Variants in RRBP1 observed in about 807,000 individuals in gnomAD.
RRBP1 encodes the protein ribosome-binding protein 1.
RRBP1 carries 94 observed loss-of-function variants against 165.2 expected under a neutral mutation model. That is an observed-to-expected ratio of 0.57 (90% CI 0.48 to 0.68). RRBP1 has a LOEUF of 0.68. RRBP1 is among the 30% of genes least tolerant of loss of function. The pLI is 0.00. For synonymous variants in RRBP1, 680 were observed against 714.5 expected, an observed-to-expected ratio of 0.95 and a Z score of 0.77; for missense variants, 1,676 against 1,763.0, an observed-to-expected ratio of 0.95 and a Z score of 0.88.
intron 2 of RRBP1, among the ~76,000 whole-genome samples, chr20:17,664,084 C>G (rs949926972): frequency 3.9e-5 from 6 of 152,084 alleles, no homozygotes; most frequent in Admixed American, 3.9e-4. Context: ...AGCCACAGTA[C>G]GAGATTAACA....
At chr20:17,655,908 G>C (rs1341148931) in intron 3 of RRBP1, among the ~76,000 whole-genome samples, 1 of 152,198 alleles carries the variant, frequency 6.6e-6, no homozygotes, top group African/African-American at 2.4e-5. Flanking sequence ...TGGTACGTGG[G>C]ACCCACAGCA....
At chr20:17,620,480 T>A (rs780645906) in intron 17 of RRBP1, 110 bp from the exon 18 acceptor site, 1 of 1,026,060 alleles carries the variant, frequency 9.7e-7, no homozygotes, top group Non-Finnish European at 1.5e-6. Flanking sequence ...GCCCCGGGGG[T>A]GCCCACTCCG....
intron 4 of RRBP1, among the ~76,000 whole-genome samples, chr20:17,642,334 C>G (rs2036379385): frequency 6.6e-6 from 1 of 152,178 alleles, no homozygotes; most frequent in South Asian, 2.1e-4. Context: ...CCCTGGTCAT[C>G]TGAATCTCCT....
intron 10 of RRBP1, 39 bp downstream of exon 10, chr20:17,627,465 G>C: frequency 1.2e-6 from 2 of 1,607,056 alleles, no homozygotes; most frequent in African/African-American, 2.7e-5. Context: ...GCTAGATGGA[G>C]TTCCCTTTCC....
At position 17,627,525 on chromosome 20, in the gene RRBP1, C is replaced by T. The variant is rs2229888; in HGVS notation, c.2907G>A (p.Ala969=). Residue 969 remains alanine (A), a synonymous_variant, in exon 10 of 25, where the codon GCG becomes GCA. Transcript: ENST00000377813. ...SIEALLEAGQ[A]RDAQDVQASQ... Reference sequence around the variant, plus strand: ...TGACCTGGACGTCCTGGGCATCCCGCGCCTGGCCCGCCTCCAGCAGGGCCT... The same window carrying T: ...TGACCTGGACGTCCTGGGCATCCCGTGCCTGGCCCGCCTCCAGCAGGGCCT... The T allele has an allele frequency of 0.032, 51,991 of 1,611,358 alleles. 2,168 individuals carry two copies. Among genetic ancestry groups the T allele is most frequent in the African/African-American group, 0.21 (15,805 of 74,952 alleles).
rs1425209038 is a variant in RRBP1, at chr20:17,621,246, G to A, written c.3414+212C>T. ...CTTCCCCAGCTTAGAGACCGGCCCC[G>A]AACCTTCAACTTGGCCTTCTCTTCA... On this transcript the variant is annotated intron_variant, in intron 16 of 24. Coordinates refer to ENST00000377813, the MANE Select transcript of RRBP1 (RefSeq NM_001365613.2). 4.6e-5 allele frequency among the ~76,000 whole-genome samples: 7 copies of A among 152,246 alleles called. No individual in the cohort carries two copies. In the East Asian group the frequency reaches 7.7e-4, roughly 17 times the overall value.
chr20:17,655,404 A>G (rs2036628704), intron 3 of RRBP1, among the ~76,000 whole-genome samples: 1 of 152,246 alleles, frequency 6.6e-6, no homozygotes, highest in Non-Finnish European at 1.5e-5. Flanking sequence ...GTTACGGTTT[A>G]TCTTGTTATC....
intron 5 of RRBP1, among the ~76,000 whole-genome samples, chr20:17,638,474 G>A (rs1252514580): frequency 6.6e-6 from 1 of 152,162 alleles, no homozygotes; most frequent in African/African-American, 2.4e-5. Flanking sequence ...AGGGTCTGCA[G>A]ACCCCTATCT....
At chr20:17,615,846 G>A (rs2035789461) in intron 22 of RRBP1, 80 bp downstream of exon 22, 2 of 1,267,388 alleles carry the variant, frequency 1.6e-6, no homozygotes, top group African/African-American at 1.5e-5. Context: ...GCCGAGCGGG[G>A]CAGGGCTGAC....
Position 17,660,168 on chromosome 20 carries a change from G to T in RRBP1, c.340C>A (p.Pro114Thr). 6.2e-7 allele frequency: 1 copy of T among 1,614,114 alleles called. No homozygotes were observed. The highest frequency in any genetic ancestry group is 8.5e-7 in the Non-Finnish European group (1 of 1,179,998). The change falls in exon 3 of 25, where the codon CCC becomes ACC. Residue 114 changes from proline (P) to threonine (T), a missense_variant. Pro to Thr is a conservative substitution (Grantham distance 38, BLOSUM62 -1). This residue lies in a region of RRBP1 where 392 missense variants were observed against 382.5 expected (regional missense o/e 1.02). Coordinates refer to ENST00000377813, the MANE Select transcript of RRBP1 (RefSeq NM_001365613.2). ...AVAVAPTPVQ[P>T]PIIVAPVATV... is the part of the protein sequence containing the mutation. ...GCGACAGGAGCAACGATAATGGGGG[G>T]CTGCACTGGGGTTGGAGCCACAGCC...
At chr20:17,630,012 C>A in intron 8 of RRBP1, 51 bp from the exon 9 acceptor site, 1 of 1,561,132 alleles carries the variant, frequency 6.4e-7, no homozygotes, top group Middle Eastern at 1.7e-4. Flanking sequence ...GGACCAGGCC[C>A]TCAGCGGCTC....
chr20:17,641,439 A>G (rs1463620658), intron 5 of RRBP1: 2 of 266,330 alleles, frequency 7.5e-6, no homozygotes, highest in African/African-American at 4.4e-5. Context: ...CTTTCCAGGC[A>G]CAGCCCCTAG....
Position 17,680,011 on chromosome 20 carries a change from C to T in RRBP1, c.-34G>A, listed in dbSNP as rs1383107745. The T allele has an allele frequency of 6.6e-6, 1 of 152,262 alleles. No individual in the cohort carries two copies. The highest frequency in any genetic ancestry group is 1.5e-5 in the Non-Finnish European group (1 of 68,094). The allele number at this position is 152,262 out of a possible 1,614,324, so 9.4% of individuals were successfully genotyped here. Reference sequence around the variant, plus strand: ...AAACTTCACCTACTAGGAGGTCTGCCCCGGCCTTTGCTTCAACAGAGAGGG... The same window carrying T: ...AAACTTCACCTACTAGGAGGTCTGCTCCGGCCTTTGCTTCAACAGAGAGGG... On this transcript the variant is annotated 5_prime_UTR_variant, in exon 2 of 25. Coordinates refer to ENST00000377813, the MANE Select transcript of RRBP1 (RefSeq NM_001365613.2).
chr20:17,650,571 G>A (rs1240639673), intron 3 of RRBP1, among the ~76,000 whole-genome samples: 8 of 152,180 alleles, frequency 5.3e-5, no homozygotes, highest in African/African-American at 1.7e-4. Context: ...CTGCATCCCC[G>A]CATCCCCTGA....
At chr20:17,634,152 T>TA (rs2036204821) in intron 7 of RRBP1, among the ~76,000 whole-genome samples, 1 of 152,142 alleles carries the variant, frequency 6.6e-6, no homozygotes, top group Non-Finnish European at 1.5e-5. Context: ...GAAGGAGACT[T>TA]AAAGGAAAAG....
At chr20:17,634,321 C>T (rs776134156) in intron 7 of RRBP1, among the ~76,000 whole-genome samples, 3 of 152,172 alleles carry the variant, frequency 2.0e-5, no homozygotes, top group Non-Finnish European at 4.4e-5. Context: ...CCAGGCCAGG[C>T]GGAGCTGGGA....
Position 17,620,381 on chromosome 20 carries a change from A to T in RRBP1, c.3508-11T>A. ...CACTGTGACCCGGGACTACAAAGCA[A>T]GGGGAAGGCTCCGTCAGACACGAGC... On this transcript the variant is annotated splice_polypyrimidine_tract_variant and intron_variant, in intron 17 of 24. Coordinates refer to ENST00000377813, the MANE Select transcript of RRBP1 (RefSeq NM_001365613.2). The T allele has an allele frequency of 6.2e-7, 1 of 1,611,834 alleles. No homozygotes were observed. Among genetic ancestry groups the T allele is most frequent in the Non-Finnish European group, 8.5e-7 (1 of 1,178,252 alleles).
intron 2 of RRBP1, among the ~76,000 whole-genome samples, chr20:17,677,589 T>C (rs1438339529): frequency 1.3e-5 from 2 of 152,122 alleles, no homozygotes; most frequent in African/African-American, 4.8e-5. Flanking sequence ...CCTATAATCC[T>C]AGCACTTTGG....
At chr20:17,672,052 G>T (rs1293952576) in intron 2 of RRBP1, among the ~76,000 whole-genome samples, 1 of 152,182 alleles carries the variant, frequency 6.6e-6, no homozygotes, top group African/African-American at 2.4e-5. Flanking sequence ...CTCTGGACCT[G>T]GATATACCAT....
Sources: gnomAD v4.1 joint callset for allele counts (sites outside exome capture counted in the v4.1 genomes callset) on GRCh38, gnomAD v4.1.1 for gene constraint, gnomAD v4.1.1 regional missense constraint, MANE v1.5 for transcripts, NCBI Gene and HGNC (gene_info 2026-07-23, HGNC 2026-07-21) for gene names.